Variants in USP32 observed in about 807,000 individuals in gnomAD.
USP32 encodes the protein ubiquitin specific peptidase 32.
Under a neutral mutation model 204.8 loss-of-function variants are expected in USP32, and 59 were observed. The observed-to-expected ratio is 0.29, with a 90% CI of 0.23 to 0.36. The LOEUF is 0.36. USP32 is among the 10% of genes least tolerant of loss of function. The pLI is 1.00. For missense variants in USP32, 1,160 were observed against 1,946.4 expected, an observed-to-expected ratio of 0.60 and a Z score of 7.60; for synonymous variants, 517 against 678.4, an observed-to-expected ratio of 0.76 and a Z score of 3.70.
intron 13 of USP32, among the ~76,000 whole-genome samples, chr17:60,225,679 C>A (rs2085363832): frequency 6.6e-6 from 1 of 151,756 alleles, no homozygotes. Flanking sequence ...GGAGGCCAGG[C>A]ATGGTGGCTC....
At chr17:60,240,637 C>T (rs1344399042) in intron 11 of USP32, among the ~76,000 whole-genome samples, 1 of 152,132 alleles carries the variant, frequency 6.6e-6, no homozygotes, top group African/African-American at 2.4e-5. Context: ...AGTCTAGAAG[C>T]TCAGCCAGAG....
chr17:60,227,212 TTAA>T (rs1331553324), intron 12 of USP32, among the ~76,000 whole-genome samples: 1 of 151,842 alleles, frequency 6.6e-6, no homozygotes, highest in Admixed American at 6.6e-5. Flanking sequence ...TAGCTGGAAT[TTAA>T]TAATATTATT....
chr17:60,255,149 G>A, intron 10 of USP32, 26 bp downstream of exon 10: 1 of 1,564,112 alleles, frequency 6.4e-7, no homozygotes, highest in Non-Finnish European at 8.8e-7. Context: ...ACTACCCTCT[G>A]TTGCTGTCAT....
At chr17:60,385,011 T>C (rs765898199) in intron 1 of USP32, among the ~76,000 whole-genome samples, 2 of 152,206 alleles carry the variant, frequency 1.3e-5, no homozygotes, top group African/African-American at 4.8e-5. Context: ...TCACATCCCC[T>C]GTGACCTGCA....
chr17:60,416,566 G>C (rs182986780), intron 1 of USP32, among the ~76,000 whole-genome samples: 1 of 152,084 alleles, frequency 6.6e-6, no homozygotes, highest in Non-Finnish European at 1.5e-5. Flanking sequence ...ATTTTATGCC[G>C]ACCAATGGAA....
At chr17:60,385,113 T>C (rs2089707289) in intron 1 of USP32, among the ~76,000 whole-genome samples, 2 of 152,232 alleles carry the variant, frequency 1.3e-5, no homozygotes, top group South Asian at 4.1e-4. Context: ...TCCACCATTG[T>C]GATTTATTCC....
At chr17:60,357,858 T>A (rs1385147125) in intron 1 of USP32, among the ~76,000 whole-genome samples, 1 of 152,012 alleles carries the variant, frequency 6.6e-6, no homozygotes, top group Non-Finnish European at 1.5e-5. Context: ...AACTTCCACC[T>A]CCCAGGTTCA....
intron 28 of USP32, among the ~76,000 whole-genome samples, chr17:60,191,443 A>G (rs1598038552): frequency 1.5e-5 from 2 of 132,752 alleles, no homozygotes; most frequent in East Asian, 2.4e-4. Flanking sequence ...AGAGTTGCAG[A>G]GGTGGGGTGG....
intron 1 of USP32, among the ~76,000 whole-genome samples, chr17:60,408,809 A>G (rs2089997588): frequency 6.6e-6 from 1 of 152,202 alleles, no homozygotes; most frequent in Non-Finnish European, 1.5e-5. Flanking sequence ...CTAAGTGCTC[A>G]GACCAAGGAG....
intron 2 of USP32, among the ~76,000 whole-genome samples, chr17:60,316,503 T>A (rs998426341): frequency 1.6e-4 from 25 of 152,316 alleles, no homozygotes; most frequent in South Asian, 1.0e-3. Context: ...AGTAAGTACG[T>A]ATTTTTAATA....
At chr17:60,271,132 G>A (rs759846610) in intron 6 of USP32, among the ~76,000 whole-genome samples, 5 of 152,172 alleles carry the variant, frequency 3.3e-5, no homozygotes, top group Non-Finnish European at 7.3e-5. Flanking sequence ...GAGCATGCTC[G>A]GGTGCAGAGA....
chr17:60,309,775 G>C (rs1350421167), intron 2 of USP32, among the ~76,000 whole-genome samples: 1 of 152,012 alleles, frequency 6.6e-6, no homozygotes, highest in East Asian at 1.9e-4. Context: ...ACTGGGCACA[G>C]TGGCACATAC....
At chr17:60,412,549 A>T (rs1363283400) in intron 1 of USP32, among the ~76,000 whole-genome samples, 1 of 151,890 alleles carries the variant, frequency 6.6e-6, no homozygotes, top group Non-Finnish European at 1.5e-5. Flanking sequence ...AAAAAAAAAA[A>T]AATAGTGATT....
chr17:60,389,904 C>A (rs1286629725), intron 1 of USP32, among the ~76,000 whole-genome samples: 2 of 151,872 alleles, frequency 1.3e-5, no homozygotes, highest in Non-Finnish European at 2.9e-5. Flanking sequence ...ATAGTCCCAG[C>A]TGCTGGGGAG....
At chr17:60,191,400 T>TAAAAA (rs1158204624) in intron 28 of USP32, among the ~76,000 whole-genome samples, 1 of 58,412 alleles carries the variant, frequency 1.7e-5, no homozygotes, top group African/African-American at 5.2e-5. Context: ...AGACTCTGTT[T>TAAAAA]AAAAAAAAAA....
At chr17:60,321,537 T>C (rs1333661039) in intron 2 of USP32, among the ~76,000 whole-genome samples, 2 of 151,932 alleles carry the variant, frequency 1.3e-5, no homozygotes, top group Non-Finnish European at 2.9e-5. Context: ...CGACAATCAA[T>C]CAACAGGTAC....
chr17:60,390,638 C>G (rs1433060988), intron 1 of USP32, among the ~76,000 whole-genome samples: 2 of 152,196 alleles, frequency 1.3e-5, no homozygotes, highest in Admixed American at 6.5e-5. Context: ...AGGTGATGGT[C>G]AACTGAACTT....
intron 27 of USP32, among the ~76,000 whole-genome samples, chr17:60,193,420 C>T (rs930581339): frequency 6.6e-6 from 1 of 152,256 alleles, no homozygotes; most frequent in East Asian, 1.9e-4. Flanking sequence ...AAGCTACATA[C>T]CATTTTTGGA....
At chr17:60,302,117 ATTT>A (rs2087595899) in intron 2 of USP32, among the ~76,000 whole-genome samples, 1 of 12,596 alleles carries the variant, frequency 7.9e-5, no homozygotes, top group African/African-American at 9.6e-5. Context: ...TTGTTTGTTT[ATTT>A]ATTTATTTAT....
Sources: allele counts gnomAD v4.1 joint callset (sites outside exome capture counted in the v4.1 genomes callset), GRCh38; gene constraint gnomAD v4.1.1; transcripts MANE v1.5; gene names NCBI Gene and HGNC (gene_info 2026-07-23, HGNC 2026-07-21).